The following SNTG1 variants were observed in gnomAD, a reference collection of about 807,000 sequenced individuals.
SNTG1 encodes the protein gamma-1-syntrophin.
In SNTG1, 39 loss-of-function variants were observed where a neutral mutation model predicts 74.7. The ratio of observed to expected loss-of-function variants is 0.52; its 90% CI spans 0.40 to 0.68. The LOEUF is 0.68. SNTG1 is among the 30% of genes least tolerant of loss of function. The pLI is 0.00. For missense variants in SNTG1, 685 were observed against 609.5 expected, an observed-to-expected ratio of 1.12 and a Z score of -1.30; for synonymous variants, 254 against 217.1, an observed-to-expected ratio of 1.17 and a Z score of -1.49.
At chr8:50,671,565 G>A (rs1438515040) in intron 15 of SNTG1, among the ~76,000 whole-genome samples, 1 of 152,132 alleles carries the variant, frequency 6.6e-6, no homozygotes, top group Non-Finnish European at 1.5e-5. Flanking sequence ...AGAGGATGTG[G>A]AGAAATAGGA....
At position 50,284,308 on chromosome 8, in the gene SNTG1, T is replaced by C. The variant is rs557198405; in HGVS notation, c.-27-109904T>C. ...TGAGATTATAGATTTTTCTTATGAA[T>C]AGATTGAGATTATAAATTTCAGAGA... On this transcript the variant is annotated intron_variant, in intron 2 of 18. Coordinates refer to ENST00000642720, the MANE Select transcript of SNTG1 (RefSeq NM_018967.5). Among the ~76,000 whole-genome samples the C allele has an allele frequency of 1.1e-4, 16 of 151,452 alleles. 1 individual carries two copies. The highest frequency in any genetic ancestry group is 3.9e-4 in the African/African-American group (16 of 40,812).
At chr8:50,497,455 A>T (rs1250287341) in intron 8 of SNTG1, among the ~76,000 whole-genome samples, 1 of 152,048 alleles carries the variant, frequency 6.6e-6, no homozygotes, top group Non-Finnish European at 1.5e-5. Context: ...ATTTTAATTT[A>T]TCAGAAATTC....
At chr8:50,780,957 A>T (rs2095657573) in intron 18 of SNTG1, among the ~76,000 whole-genome samples, 1 of 152,116 alleles carries the variant, frequency 6.6e-6, no homozygotes, top group African/African-American at 2.4e-5. Flanking sequence ...TTATTTCATT[A>T]CGTACCGAGT....
At chr8:50,472,448 G>A (rs1316008209) in intron 8 of SNTG1, among the ~76,000 whole-genome samples, 2 of 152,130 alleles carry the variant, frequency 1.3e-5, no homozygotes, top group African/African-American at 4.8e-5. Flanking sequence ...AACAAATGGT[G>A]TTGGGAAAAC....
intron 2 of SNTG1, among the ~76,000 whole-genome samples, chr8:50,210,387 G>A (rs775639970): frequency 1.3e-5 from 2 of 152,136 alleles, no homozygotes; most frequent in Non-Finnish European, 2.9e-5. Flanking sequence ...ACTCCACAAA[G>A]ATATTCCTCG....
intron 2 of SNTG1, among the ~76,000 whole-genome samples, chr8:50,299,416 T>A (rs968617426): frequency 3.3e-5 from 5 of 152,120 alleles, no homozygotes; most frequent in Non-Finnish European, 4.4e-5. Context: ...ATATTGAACA[T>A]GTATCATAAG....
intron 1 of SNTG1, among the ~76,000 whole-genome samples, chr8:49,973,678 G>GA (rs1291087865): frequency 6.6e-6 from 1 of 152,104 alleles, no homozygotes; most frequent in Non-Finnish European, 1.5e-5. Context: ...ATATACTGAA[G>GA]AAAAGAGTAT....
intron 13 of SNTG1, among the ~76,000 whole-genome samples, chr8:50,625,397 A>G (rs2094949889): frequency 1.3e-5 from 2 of 152,182 alleles, no homozygotes; most frequent in Admixed American, 1.3e-4. Flanking sequence ...AGCAGTTCTG[A>G]TGACTATGTC....
intron 2 of SNTG1, among the ~76,000 whole-genome samples, chr8:50,231,748 T>C (rs1240030220): frequency 6.6e-6 from 1 of 151,174 alleles, no homozygotes; most frequent in Non-Finnish European, 1.5e-5. Flanking sequence ...AATCAAAGGG[T>C]ACAAAGCCTC....
chr8:50,406,106 A>T (rs1422081884), intron 4 of SNTG1, among the ~76,000 whole-genome samples: 2 of 152,092 alleles, frequency 1.3e-5, no homozygotes, highest in Admixed American at 1.3e-4. Flanking sequence ...TTTTATAAGG[A>T]TCATGTTGAA....
intron 12 of SNTG1, among the ~76,000 whole-genome samples, chr8:50,569,541 CA>C (rs1563589221): frequency 6.9e-6 from 1 of 145,146 alleles, no homozygotes; most frequent in African/African-American, 2.6e-5. Context: ...AAAAAACAAA[CA>C]AAAAACAAAA....
At chr8:50,104,939 A>T (rs999982227) in intron 1 of SNTG1, among the ~76,000 whole-genome samples, 4 of 151,894 alleles carry the variant, frequency 2.6e-5, no homozygotes, top group African/African-American at 9.7e-5. Context: ...TGCATATTAG[A>T]CTGTTGTAGG....
intron 2 of SNTG1, among the ~76,000 whole-genome samples, chr8:50,241,975 C>T (rs1219152187): frequency 6.6e-6 from 1 of 151,756 alleles, no homozygotes; most frequent in Non-Finnish European, 1.5e-5. Flanking sequence ...GGGATTTAGG[C>T]TGATACTTGC....
intron 18 of SNTG1, among the ~76,000 whole-genome samples, chr8:50,757,684 TG>T (rs560230766): frequency 1.9e-3 from 285 of 152,086 alleles, no homozygotes; most frequent in African/African-American, 6.5e-3. Flanking sequence ...AAATAATTTT[TG>T]ATACAGTTGG....
chr8:50,689,041 T>A (rs1023048605), intron 15 of SNTG1, among the ~76,000 whole-genome samples: 2 of 148,780 alleles, frequency 1.3e-5, no homozygotes, highest in African/African-American at 5.0e-5. Flanking sequence ...AATTCACTTA[T>A]GATTTGGCTC....
intron 2 of SNTG1, among the ~76,000 whole-genome samples, chr8:50,204,697 C>T (rs185350088): frequency 6.6e-6 from 1 of 151,974 alleles, no homozygotes. Flanking sequence ...TTAGTTATAT[C>T]TCCTAATGCT....
intron 1 of SNTG1, among the ~76,000 whole-genome samples, chr8:49,915,917 C>T (rs140372312): frequency 8.5e-5 from 13 of 152,180 alleles, no homozygotes; most frequent in African/African-American, 2.6e-4. Flanking sequence ...TTTAGAAAAT[C>T]GAATAAGCAG....
chr8:50,763,194 T>C (rs1033467891), intron 18 of SNTG1, among the ~76,000 whole-genome samples: 4 of 151,832 alleles, frequency 2.6e-5, no homozygotes. Context: ...TTTTCCCCAA[T>C]GGAGATAAGG....
At chr8:50,021,554 G>A (rs771843940) in intron 1 of SNTG1, among the ~76,000 whole-genome samples, 1 of 152,154 alleles carries the variant, frequency 6.6e-6, no homozygotes, top group Non-Finnish European at 1.5e-5. Context: ...GGGAACTCTA[G>A]TGGGTCTGGA....
Sources: allele counts gnomAD v4.1 joint callset (sites outside exome capture counted in the v4.1 genomes callset), GRCh38; gene constraint gnomAD v4.1.1; transcripts MANE v1.5; gene names NCBI Gene and HGNC (gene_info 2026-07-23, HGNC 2026-07-21).